CHKA: variants seen among roughly 807,000 people sequenced by gnomAD.
CHKA encodes the protein choline kinase alpha.
In CHKA, 34 loss-of-function variants were observed where a neutral mutation model predicts 60.1. The ratio of observed to expected loss-of-function variants is 0.57; its 90% CI spans 0.43 to 0.75. CHKA has a LOEUF of 0.75. Ranked by LOEUF, CHKA falls within the 30% of genes least tolerant of loss-of-function variation. The pLI, the probability that CHKA is intolerant of heterozygous loss-of-function variation, is 0.00. For missense variants in CHKA, 563 were observed against 561.3 expected, an observed-to-expected ratio of 1.00 and a Z score of -0.03; for synonymous variants, 217 against 223.1, an observed-to-expected ratio of 0.97 and a Z score of 0.24.
At chr11:68,101,261 T>C (rs1224535181) in intron 1 of CHKA, among the ~76,000 whole-genome samples, 2 of 152,170 alleles carry the variant, frequency 1.3e-5, no homozygotes, top group Non-Finnish European at 2.9e-5. Flanking sequence ...GAGGTTATTT[T>C]ACATAAATTG....
rs559482167 is a variant in CHKA, at chr11:68,073,537, C to T, written c.630+1180G>A. ...GGAGCAAACTAAAGGAAAAAGCCAG[C>T]GCAGTGAAGGCACCATCCACTCATC... On this transcript the variant is annotated intron_variant, in intron 4 of 11. Transcript: ENST00000265689. 3.8e-4 allele frequency among the ~76,000 whole-genome samples: 58 copies of T among 152,174 alleles called. No individual in the cohort carries two copies. In the South Asian group the frequency reaches 0.011, roughly 29 times the overall value.
Position 68,085,790 on chromosome 11 carries a change from G to A in CHKA, c.463-4333C>T, listed in dbSNP as rs999075864. On this transcript the variant is annotated intron_variant, in intron 2 of 11. Coordinates refer to ENST00000265689, the MANE Select transcript of CHKA (RefSeq NM_001277.3). ...TTTTGTTTTTTGTTTTTGAGACAGC[G>A]TCTCACTCTGTCACCCAGGCTAGAG... Among the ~76,000 whole-genome samples the A allele has an allele frequency of 3.6e-4, 55 of 151,948 alleles. 1 individual carries two copies. Among genetic ancestry groups the A allele is most frequent in the African/African-American group, 1.3e-3 (54 of 41,454 alleles).
chr11:68,101,463 T>C (rs1857719933), intron 1 of CHKA, among the ~76,000 whole-genome samples: 2 of 152,116 alleles, frequency 1.3e-5, no homozygotes, highest in African/African-American at 2.4e-5. Context: ...TTCAGTAAGA[T>C]TGCAGGATAC....
intron 3 of CHKA, among the ~76,000 whole-genome samples, chr11:68,080,536 C>T (rs1199604057): frequency 6.6e-6 from 1 of 152,030 alleles, no homozygotes; most frequent in Non-Finnish European, 1.5e-5. Flanking sequence ...TCAGTAGAGA[C>T]GGGGTTTCAC....
intron 4 of CHKA, 111 bp downstream of exon 4, chr11:68,074,606 G>C: frequency 1.1e-6 from 1 of 869,998 alleles, no homozygotes. Context: ...TAATGACATA[G>C]GTGAGGTTAA....
At chr11:68,096,214 A>T (rs1857512142) in intron 2 of CHKA, among the ~76,000 whole-genome samples, 1 of 148,404 alleles carries the variant, frequency 6.7e-6, no homozygotes, top group African/African-American at 2.5e-5. Flanking sequence ...AAAAGTACAA[A>T]ATTAGCCAGG....
intron 1 of CHKA, among the ~76,000 whole-genome samples, chr11:68,103,467 G>A (rs186922396): frequency 1.3e-5 from 2 of 152,266 alleles, no homozygotes; most frequent in African/African-American, 4.8e-5. Context: ...AACAAACGTT[G>A]ACAAGGATGT....
Position 68,062,692 on chromosome 11 carries a change from C to T in CHKA, c.1233-658G>A, listed in dbSNP as rs565675835. Among the ~76,000 whole-genome samples, 5 of 152,336 alleles carry T rather than the reference C, an allele frequency of 3.3e-5. No homozygotes were observed. In the East Asian group the frequency reaches 7.7e-4, roughly 23 times the overall value. ...GTGCCTGCTCTAGTATCCTCCAACC[C>T]TACTCTCTGTTCATCCTGTGGTCCC... On this transcript the variant is annotated intron_variant, in intron 10 of 11. Coordinates refer to ENST00000265689, the MANE Select transcript of CHKA (RefSeq NM_001277.3).
chr11:68,054,199 G>A, intron 11 of CHKA, 152 bp from the exon 12 acceptor site: 1 of 636,696 alleles, frequency 1.6e-6, no homozygotes, highest in Non-Finnish European at 2.8e-6. Flanking sequence ...GGGCTGCTCG[G>A]GGGCCTCGCT....
intron 7 of CHKA, among the ~76,000 whole-genome samples, 184 bp downstream of exon 7, chr11:68,068,695 G>A (rs748710530): frequency 1.3e-5 from 2 of 152,122 alleles, no homozygotes; most frequent in African/African-American, 4.8e-5. Context: ...TGGGATTACA[G>A]ACATGAGACA....
At chr11:68,104,084 G>T (rs1857825806) in intron 1 of CHKA, among the ~76,000 whole-genome samples, 1 of 152,266 alleles carries the variant, frequency 6.6e-6, no homozygotes, top group African/African-American at 2.4e-5. Flanking sequence ...TAGAATAAAT[G>T]TAAGTGTCCA....
chr11:68,076,960 G>A (rs578135736), intron 3 of CHKA, among the ~76,000 whole-genome samples: 22 of 152,328 alleles, frequency 1.4e-4, no homozygotes, highest in Non-Finnish European at 2.5e-4. Context: ...AAATGAGGCC[G>A]GGTGCGGTGG....
At chr11:68,064,407 C>CA (rs776074281) in intron 10 of CHKA, 118 bp downstream of exon 10, 31,526 of 410,332 alleles carry the variant, frequency 0.077, no homozygotes, top group East Asian at 0.1. Context: ...GACTCTGTCT[C>CA]AAAAAAAAAA....
At position 68,121,092 on chromosome 11, in the gene CHKA, G is replaced by T; in HGVS notation, c.86C>A (p.Pro29Gln). The part of the protein sequence containing the change: ...LLSCGSGSAA[P>Q]APGVGQQRDA... ...GCGCTGCTGCCCCACGCCGGGCGCCGGGGCCGCGCTGCCGCTACCGCAGCT... is the reference window on the plus strand; with the variant it reads ...GCGCTGCTGCCCCACGCCGGGCGCCTGGGCCGCGCTGCCGCTACCGCAGCT... The change falls in exon 1 of 12, where the codon CCG becomes CAG. Residue 29 changes from proline to glutamine, a missense_variant. By Grantham distance (76) the Pro-to-Gln change is moderately conservative (BLOSUM62 -1). Coordinates refer to ENST00000265689, the MANE Select transcript of CHKA (RefSeq NM_001277.3). 8.8e-7 allele frequency: 1 copy of T among 1,140,940 alleles called. No individual in the cohort carries two copies. The highest frequency in any genetic ancestry group is 1.1e-6 in the Non-Finnish European group (1 of 929,994). The allele number at this position is 1,140,940 out of a possible 1,614,324, so 70.7% of individuals were successfully genotyped here. A position where few individuals can be genotyped will look rare whatever the true frequency, so the allele number is the denominator to read the frequency against.
intron 1 of CHKA, among the ~76,000 whole-genome samples, chr11:68,108,938 G>C (rs534272515): frequency 3.3e-5 from 5 of 152,120 alleles, no homozygotes; most frequent in African/African-American, 1.2e-4. Context: ...AACTCCAGGA[G>C]ACCCAATTAC....
intron 11 of CHKA, among the ~76,000 whole-genome samples, chr11:68,060,284 G>A (rs975444985): frequency 7.3e-5 from 11 of 151,180 alleles, no homozygotes; most frequent in East Asian, 1.9e-4. Context: ...CGCCCGCCTC[G>A]GCCTCCCAAA....
chr11:68,054,530 G>A (rs1300273981), intron 11 of CHKA, among the ~76,000 whole-genome samples: 1 of 152,184 alleles, frequency 6.6e-6, no homozygotes, highest in East Asian at 1.9e-4. Context: ...TGAGAGGCAA[G>A]GGAGAAAACC....
chr11:68,071,623 G>A (rs1008744593), intron 4 of CHKA, among the ~76,000 whole-genome samples: 1 of 152,236 alleles, frequency 6.6e-6, no homozygotes, highest in Non-Finnish European at 1.5e-5. Context: ...AAGAAGTACA[G>A]CACAGGGGTA....
In CHKA at chr11:68,062,184, T is replaced by C. The variant is rs971900472; in HGVS notation, c.1233-150A>G. The C allele has an allele frequency of 9.6e-6, 6 of 622,086 alleles. No homozygotes were observed. The African/African-American group carries it at 1.1e-4, about 12-fold the overall frequency. The allele number at this position is 622,086 out of a possible 1,614,324, so 38.5% of individuals were successfully genotyped here. ...ATCATGGGTCTATATTCCACGGGACTAACTAAGAACAATGGGAATACCACT... is the reference window on the plus strand; with the variant it reads ...ATCATGGGTCTATATTCCACGGGACCAACTAAGAACAATGGGAATACCACT... On this transcript the variant is annotated intron_variant, in intron 10 of 11. Transcript: ENST00000265689.
Sources: allele counts gnomAD v4.1 joint callset (sites outside exome capture counted in the v4.1 genomes callset), GRCh38; gene constraint gnomAD v4.1.1; transcripts MANE v1.5; gene names NCBI Gene and HGNC (gene_info 2026-07-23, HGNC 2026-07-21).